Variants in TMCO4 observed in about 807,000 individuals in gnomAD.
TMCO4 encodes the protein transmembrane and coiled-coil domains 4.
TMCO4 carries 58 observed loss-of-function variants against 64.7 expected under a neutral mutation model. The observed-to-expected ratio is 0.90, with a 90% CI of 0.73 to 1.12. TMCO4 has a LOEUF of 1.12. TMCO4 is among the 50% of genes most tolerant of loss of function. The pLI, the probability that TMCO4 is intolerant of heterozygous loss-of-function variation, is 0.00. For synonymous variants in TMCO4, 325 were observed against 346.1 expected (o/e 0.94, Z 0.68); for missense variants, 780 against 825.9 (o/e 0.94, Z 0.68).
intron 4 of TMCO4, among the ~76,000 whole-genome samples, chr1:19,772,466 G>A (rs2043029127): frequency 6.6e-6 from 1 of 152,172 alleles, no homozygotes; most frequent in Admixed American, 6.5e-5. Context: ...CTCTAGGGGA[G>A]AAGGAAGCCT....
chr1:19,744,269 T>C (rs1282296687), intron 10 of TMCO4, among the ~76,000 whole-genome samples: 7 of 152,142 alleles, frequency 4.6e-5, no homozygotes. Context: ...TGGACCATGG[T>C]GTGAGTCCTC....
intron 12 of TMCO4, among the ~76,000 whole-genome samples, chr1:19,738,588 C>G (rs1425934533): frequency 6.6e-6 from 1 of 152,250 alleles, no homozygotes; most frequent in Non-Finnish European, 1.5e-5. Context: ...CAGACTCTTA[C>G]TTGGGAGAGA....
intron 15 of TMCO4, among the ~76,000 whole-genome samples, chr1:19,692,361 T>A (rs1459768118): frequency 1.3e-5 from 2 of 152,166 alleles, no homozygotes; most frequent in African/African-American, 2.4e-5. Flanking sequence ...TTGCCATGTT[T>A]CAGCGGTGTG....
intron 14 of TMCO4, 101 bp from the exon 15 acceptor site, chr1:19,694,652 G>A (rs967389719): frequency 1.9e-6 from 2 of 1,055,264 alleles, no homozygotes; most frequent in African/African-American, 3.1e-5. Context: ...GGTGGGAATG[G>A]AGCTTCTGGG....
At chr1:19,756,197 C>G (rs1371366339) in intron 6 of TMCO4, among the ~76,000 whole-genome samples, 13 of 152,052 alleles carry the variant, frequency 8.5e-5, no homozygotes, top group Admixed American at 5.9e-4. Context: ...TGCAGTGAGC[C>G]GTGATCATGT....
intron 2 of TMCO4, among the ~76,000 whole-genome samples, chr1:19,789,542 T>C (rs1268134994): frequency 6.6e-6 from 1 of 152,210 alleles, no homozygotes; most frequent in Admixed American, 6.5e-5. Context: ...GTTTCTGTTC[T>C]TTCTATTTTT....
At chr1:19,736,205 G>A (rs578170474) in intron 13 of TMCO4, among the ~76,000 whole-genome samples, 14 of 152,292 alleles carry the variant, frequency 9.2e-5, no homozygotes, top group Admixed American at 3.3e-4. Context: ...AAGGCACGTC[G>A]TACATGGTGG....
chr1:19,750,140 C>T (rs1177150030), intron 7 of TMCO4: 1 of 152,042 alleles, frequency 6.6e-6, no homozygotes, highest in Non-Finnish European at 1.5e-5. Context: ...TAATAATTTC[C>T]TCCTCAACAC....
intron 14 of TMCO4, among the ~76,000 whole-genome samples, chr1:19,695,714 C>T (rs2095231687): frequency 6.6e-6 from 1 of 152,060 alleles, no homozygotes; most frequent in South Asian, 2.1e-4. Flanking sequence ...AAGCTCTGAC[C>T]CTCTGTGGTC....
At chr1:19,703,070 G>T (rs1164791147) in intron 13 of TMCO4, among the ~76,000 whole-genome samples, 1 of 152,204 alleles carries the variant, frequency 6.6e-6, no homozygotes, top group Non-Finnish European at 1.5e-5. Context: ...CTTATTCACA[G>T]CAGTGTGGCA....
intron 11 of TMCO4, among the ~76,000 whole-genome samples, chr1:19,740,187 T>C (rs894086822): frequency 6.6e-6 from 1 of 152,164 alleles, no homozygotes; most frequent in African/African-American, 2.4e-5. Context: ...ATGGCCCCAA[T>C]TCGTCTCCAC....
intron 14 of TMCO4, among the ~76,000 whole-genome samples, chr1:19,699,486 C>CATATATATATATATATATATATATAT (rs10587817): frequency 7.3e-6 from 1 of 136,416 alleles, no homozygotes; most frequent in African/African-American, 2.7e-5. Context: ...TTTTCATATA[C>CATATATATATATATATATATATATAT]ATATATATAT....
intron 2 of TMCO4, among the ~76,000 whole-genome samples, chr1:19,790,057 GAAAAA>G (rs545785612): frequency 1.2e-5 from 1 of 85,432 alleles, no homozygotes. Context: ...CTCTGCCTCA[GAAAAA>G]AAAAAAAAAA....
chr1:19,741,800 G>A (rs1420796154), intron 10 of TMCO4, among the ~76,000 whole-genome samples: 1 of 149,334 alleles, frequency 6.7e-6, no homozygotes. Context: ...GTAGTGGCAC[G>A]ATCTCGGTTC....
At chr1:19,780,543 A>T in intron 4 of TMCO4, 37 bp downstream of exon 4, 1 of 1,549,084 alleles carries the variant, frequency 6.5e-7, no homozygotes, top group South Asian at 1.2e-5. Context: ...TCCCCTGAAG[A>T]AGCATGACCT....
In TMCO4 at chr1:19,796,391, C is replaced by T. The variant is rs561213971; in HGVS notation, c.-101+1746G>A. Among the ~76,000 whole-genome samples the T allele has an allele frequency of 4.6e-5, 7 of 152,218 alleles. 1 individual carries two copies. In the East Asian group the frequency reaches 5.8e-4, roughly 13 times the overall value. ...CAAAGACTTCGTCTGGGCCCCTCCACCTCTCCTTGGACATAATGGCCGGTT... is the reference window on the plus strand; with the variant it reads ...CAAAGACTTCGTCTGGGCCCCTCCATCTCTCCTTGGACATAATGGCCGGTT... On this transcript the variant is annotated intron_variant, in intron 2 of 15. Transcript: ENST00000294543.
intron 9 of TMCO4, among the ~76,000 whole-genome samples, chr1:19,746,106 T>A (rs1297804515): frequency 6.6e-6 from 1 of 152,038 alleles, no homozygotes; most frequent in Admixed American, 6.6e-5. Flanking sequence ...CTGACAGATA[T>A]CATTTGGAAA....
intron 12 of TMCO4, among the ~76,000 whole-genome samples, 185 bp from the exon 13 acceptor site, chr1:19,737,641 G>A (rs1384554172): frequency 2.0e-5 from 3 of 152,250 alleles, no homozygotes; most frequent in African/African-American, 7.2e-5. Context: ...CCTCATTTAT[G>A]CAGGAGTGCA....
chr1:19,757,652 C>T (rs1296363850), intron 6 of TMCO4, among the ~76,000 whole-genome samples: 2 of 152,106 alleles, frequency 1.3e-5, no homozygotes, highest in African/African-American at 2.4e-5. Context: ...TCACTCCTTC[C>T]TTTGGGGGTC....
Sources: allele counts gnomAD v4.1 joint callset (sites outside exome capture counted in the v4.1 genomes callset), GRCh38; gene constraint gnomAD v4.1.1; transcripts MANE v1.5; gene names NCBI Gene and HGNC (gene_info 2026-07-23, HGNC 2026-07-21).